The following FSTL4 variants were observed in gnomAD, a reference collection of about 807,000 sequenced individuals.
The protein encoded by FSTL4 is follistatin like 4, also known as follistatin-related protein 4.
Under a neutral mutation model 78.2 loss-of-function variants are expected in FSTL4, and 28 were observed. The ratio of observed to expected loss-of-function variants is 0.36; its 90% CI spans 0.27 to 0.49. FSTL4 has a LOEUF of 0.49. Ranked by LOEUF, FSTL4 falls within the 20% of genes least tolerant of loss-of-function variation. The pLI is 0.98. For missense variants in FSTL4, 922 were observed against 1,084.9 expected, an observed-to-expected ratio of 0.85 and a Z score of 2.11; for synonymous variants, 422 against 440.5, an observed-to-expected ratio of 0.96 and a Z score of 0.53.
At chr5:133,705,142 C>A in the FSTL4 span, among the ~76,000 whole-genome samples, 12 of 152,256 alleles carry the variant, frequency 7.9e-5, no homozygotes, top group South Asian at 2.3e-3. Flanking sequence ...CTCACTACAA[C>A]CTCTGCCTCC....
At chr5:133,491,766 A>G (rs1218398853) in intron 3 of FSTL4, among the ~76,000 whole-genome samples, 1 of 152,148 alleles carries the variant, frequency 6.6e-6, no homozygotes, top group East Asian at 1.9e-4. Flanking sequence ...ATTTTGTGCC[A>G]TTATATTTAG....
chr5:133,775,037 T>C, the FSTL4 span, among the ~76,000 whole-genome samples: 1 of 152,218 alleles, frequency 6.6e-6, no homozygotes, highest in Admixed American at 6.5e-5. Flanking sequence ...AAGCACAACT[T>C]GATTGAGCCT....
chr5:133,784,552 T>C, the FSTL4 span, among the ~76,000 whole-genome samples: 2 of 152,188 alleles, frequency 1.3e-5, no homozygotes, highest in African/African-American at 4.8e-5. Context: ...GGTTAACTTC[T>C]CCAAGGCCAC....
At chr5:133,737,478 G>A in the FSTL4 span, among the ~76,000 whole-genome samples, 1 of 152,024 alleles carries the variant, frequency 6.6e-6, no homozygotes, top group South Asian at 2.1e-4. Flanking sequence ...CTGTGTATAT[G>A]TGCCACATAT....
chr5:133,701,771 T>C, the FSTL4 span, among the ~76,000 whole-genome samples: 25 of 152,276 alleles, frequency 1.6e-4, no homozygotes, highest in Non-Finnish European at 2.9e-4. Context: ...TAGAACACGT[T>C]TGCGTGTTTT....
intron 3 of FSTL4, among the ~76,000 whole-genome samples, chr5:133,476,936 A>G (rs1561732472): frequency 6.6e-6 from 1 of 152,202 alleles, no homozygotes; most frequent in Admixed American, 6.5e-5. Context: ...GTTTACACCC[A>G]TGACCTTGGC....
chr5:133,639,870 C>T, the FSTL4 span, among the ~76,000 whole-genome samples: 1 of 152,080 alleles, frequency 6.6e-6, no homozygotes, highest in Admixed American at 6.5e-5. Context: ...CCACAAACTC[C>T]GAAGGGTCAG....
intron 4 of FSTL4, among the ~76,000 whole-genome samples, chr5:133,372,005 G>A (rs1018783869): frequency 1.3e-5 from 2 of 152,180 alleles, no homozygotes; most frequent in African/African-American, 4.8e-5. Flanking sequence ...CAGGAGAGAG[G>A]AATTGAAATC....
rs147392009 is a variant in FSTL4, at chr5:133,313,333, C to T, written c.604-556G>A. Among the ~76,000 whole-genome samples, 665 of 152,256 alleles carry T rather than the reference C, an allele frequency of 4.4e-3. 5 individuals are homozygous for T. The highest frequency in any genetic ancestry group is 0.015 in the African/African-American group (641 of 41,542). On this transcript the variant is annotated intron_variant, in intron 5 of 15. Coordinates refer to ENST00000265342, the MANE Select transcript of FSTL4 (RefSeq NM_015082.2). ...TTCTATCCACCTAGACCTGAGCTTC[C>T]CCCCTGCCTGCCTTGTCCTGCCCAG...
At chr5:133,353,982 G>A (rs1580643385) in intron 4 of FSTL4, among the ~76,000 whole-genome samples, 2 of 152,344 alleles carry the variant, frequency 1.3e-5, no homozygotes, top group South Asian at 2.1e-4. Flanking sequence ...AGGTCAAGGG[G>A]TGGGCTTTTG....
intron 3 of FSTL4, among the ~76,000 whole-genome samples, chr5:133,543,333 T>A (rs1759514051): frequency 6.6e-6 from 1 of 152,226 alleles, no homozygotes; most frequent in Non-Finnish European, 1.5e-5. Flanking sequence ...ATTACAGGCA[T>A]GAGCCACCAT....
At chr5:133,286,199 C>T (rs1467123033) in intron 6 of FSTL4, among the ~76,000 whole-genome samples, 1 of 152,256 alleles carries the variant, frequency 6.6e-6, no homozygotes. Context: ...GGGCAAATTT[C>T]TTAACCTCTC....
the FSTL4 span, among the ~76,000 whole-genome samples, chr5:133,708,326 C>T: frequency 4.6e-5 from 7 of 152,172 alleles, no homozygotes; most frequent in African/African-American, 1.2e-4. Flanking sequence ...TTCCTGGCAA[C>T]GCCCTTTTCA....
intron 4 of FSTL4, among the ~76,000 whole-genome samples, chr5:133,327,267 G>T (rs1463243661): frequency 6.6e-6 from 1 of 152,226 alleles, no homozygotes. Flanking sequence ...ACCTCTAGAA[G>T]GTCTGCAGGT....
At chr5:133,776,885 G>A in the FSTL4 span, among the ~76,000 whole-genome samples, 3 of 152,200 alleles carry the variant, frequency 2.0e-5, no homozygotes, top group Admixed American at 6.5e-5. Flanking sequence ...CTGTATGTCC[G>A]AAAGGTCCCA....
intron 4 of FSTL4, among the ~76,000 whole-genome samples, chr5:133,323,124 C>T (rs894233009): frequency 6.6e-6 from 1 of 152,038 alleles, no homozygotes; most frequent in Non-Finnish European, 1.5e-5. Flanking sequence ...CTTAGGCTGC[C>T]GTGTCTACCT....
Position 133,361,674 on chromosome 5 carries a change from A to C in FSTL4, c.409+39064T>G, listed in dbSNP as rs1755074123. Among the ~76,000 whole-genome samples, 1 of 152,198 alleles carries C rather than the reference A, an allele frequency of 6.6e-6. No homozygotes were observed. Among genetic ancestry groups the C allele is most frequent in the African/African-American group, 2.4e-5 (1 of 41,450 alleles). On this transcript the variant is annotated intron_variant, in intron 4 of 15. Coordinates refer to ENST00000265342, the MANE Select transcript of FSTL4 (RefSeq NM_015082.2). The surrounding 1 kb of genome is among the most constrained non-coding windows in gnomAD (Gnocchi z 4.3). ...AGGTGTCAAATGCCTTCTAGTCCTGACAAGTTTCTCCCTCTAAGACAGTGG... is the reference window on the plus strand; with the variant it reads ...AGGTGTCAAATGCCTTCTAGTCCTGCCAAGTTTCTCCCTCTAAGACAGTGG...
intron 4 of FSTL4, among the ~76,000 whole-genome samples, chr5:133,330,819 C>G (rs1580623559): frequency 6.6e-6 from 1 of 152,208 alleles, no homozygotes; most frequent in African/African-American, 2.4e-5. Flanking sequence ...CAACCCAAAT[C>G]TGTGGCCTTA....
chr5:133,331,426 GC>G (rs963441671), intron 4 of FSTL4, among the ~76,000 whole-genome samples: 1 of 152,152 alleles, frequency 6.6e-6, no homozygotes, highest in African/African-American at 2.4e-5. Context: ...GCAAATCAAT[GC>G]CATTGAACTG....
Sources: gnomAD v4.1 joint callset for allele counts (sites outside exome capture counted in the v4.1 genomes callset) on GRCh38, gnomAD v4.1.1 for gene constraint, Gnocchi (gnomAD v3.1) non-coding constraint, MANE v1.5 for transcripts, NCBI Gene and HGNC (gene_info 2026-07-23, HGNC 2026-07-21) for gene names.